Variants in NME7 observed in about 807,000 individuals in gnomAD.
NME7 encodes nucleoside diphosphate kinase 7.
Under a neutral mutation model 49.1 loss-of-function variants are expected in NME7, and 41 were observed. The observed-to-expected ratio is 0.83, with a 90% confidence interval of 0.65 to 1.08. The LOEUF (loss-of-function observed/expected upper bound fraction) is 1.08. NME7 is among the 50% of genes least tolerant of loss of function. The probability of loss-of-function intolerance (pLI) is 0.00; values close to 1 mark genes in which losing one functional copy is unlikely to be tolerated. For missense variants in NME7, 423 were observed against 463.4 expected (o/e 0.91, Z 0.80); for synonymous variants, 139 against 150.6 (o/e 0.92, Z 0.56).
chr1:169,298,614 C>A lies in NME7; in HGVS notation c.590G>T (p.Gly197Val). Residue 197 changes from glycine to valine, a missense_variant, in exon 6 of 12, where the codon GGA becomes GTA. Physicochemically the swap from Gly to Val is moderately radical, Grantham distance 109. Transcript: ENST00000367811. Reference sequence around the variant, plus strand: ...CGCTGCATTTCTTATGCCATCTGTTCCAAAGAGGGCTCTAATGCTTTCAGA... The same window carrying A: ...CGCTGCATTTCTTATGCCATCTGTTACAAAGAGGGCTCTAATGCTTTCAGA... The part of the protein sequence containing the change: ...DASESIRALF[G>V]TDGIRNAAHG... The A allele has an allele frequency of 6.2e-7, 1 of 1,613,960 alleles. No homozygotes were observed. Among genetic ancestry groups the A allele is most frequent in the South Asian group, 1.1e-5 (1 of 91,086 alleles).
At chr1:169,181,417 T>C (rs1260490082) in intron 10 of NME7, among the ~76,000 whole-genome samples, 3 of 150,280 alleles carry the variant, frequency 2.0e-5, no homozygotes, top group Admixed American at 2.0e-4. Flanking sequence ...ACACACACAT[T>C]ATCCTTCCCT....
At chr1:169,251,245 T>A (rs1249198017) in intron 7 of NME7, among the ~76,000 whole-genome samples, 1 of 152,132 alleles carries the variant, frequency 6.6e-6, no homozygotes, top group Non-Finnish European at 1.5e-5. Context: ...TTGTCTTTTT[T>A]TACTGTTGTT....
intron 9 of NME7, among the ~76,000 whole-genome samples, chr1:169,232,917 T>A (rs71557654): frequency 4.0e-3 from 220 of 55,666 alleles, no homozygotes; most frequent in Non-Finnish European, 4.9e-3. Context: ...CTTTTCTTTT[T>A]TTTTTTTTTT....
At chr1:169,237,317 A>G (rs1315054177) in intron 8 of NME7, among the ~76,000 whole-genome samples, 1 of 152,118 alleles carries the variant, frequency 6.6e-6, no homozygotes, top group Non-Finnish European at 1.5e-5. Flanking sequence ...TTTTGTTTAT[A>G]AGAACAAAAT....
At chr1:169,344,352 T>C (rs1369194201) in intron 1 of NME7, among the ~76,000 whole-genome samples, 1 of 152,206 alleles carries the variant, frequency 6.6e-6, no homozygotes, top group Non-Finnish European at 1.5e-5. Context: ...AGTTTTATCC[T>C]CTCCGGTCTA....
chr1:169,213,464 G>T (rs1187125167), intron 10 of NME7, among the ~76,000 whole-genome samples: 1 of 151,700 alleles, frequency 6.6e-6, no homozygotes, highest in East Asian at 1.9e-4. Flanking sequence ...TTTAAATTTT[G>T]CCAACCTCAC....
chr1:169,207,214 C>T (rs560615562), intron 10 of NME7, among the ~76,000 whole-genome samples: 2 of 152,070 alleles, frequency 1.3e-5, no homozygotes, highest in African/African-American at 4.8e-5. Context: ...GGGAACGATG[C>T]CAGGCTCTTT....
intron 1 of NME7, among the ~76,000 whole-genome samples, chr1:169,325,767 C>A (rs746421275): frequency 2.0e-5 from 3 of 152,030 alleles, no homozygotes; most frequent in Admixed American, 6.6e-5. Flanking sequence ...TAAACTATAA[C>A]GTAGATGACA....
intron 10 of NME7, among the ~76,000 whole-genome samples, chr1:169,214,974 G>A (rs576627744): frequency 6.6e-6 from 1 of 152,394 alleles, no homozygotes; most frequent in Non-Finnish European, 1.5e-5. Flanking sequence ...CAAAGGGCCA[G>A]TGTGACAGCC....
chr1:169,216,071 G>A (rs1368264705), intron 10 of NME7, among the ~76,000 whole-genome samples: 1 of 152,216 alleles, frequency 6.6e-6, no homozygotes, highest in Non-Finnish European at 1.5e-5. Flanking sequence ...TAAAAGAGTT[G>A]TGATATTGTG....
At chr1:169,278,412 C>A (rs1183178034) in intron 7 of NME7, among the ~76,000 whole-genome samples, 2 of 151,954 alleles carry the variant, frequency 1.3e-5, no homozygotes, top group Non-Finnish European at 2.9e-5. Flanking sequence ...CTCTAAACTT[C>A]CCTTCTCACT....
intron 7 of NME7, among the ~76,000 whole-genome samples, chr1:169,251,671 T>C (rs1648623585): frequency 1.4e-5 from 2 of 147,100 alleles, no homozygotes. Flanking sequence ...TAACTCATCA[T>C]CTAGCATTAG....
At chr1:169,273,996 G>A (rs1421508236) in intron 7 of NME7, among the ~76,000 whole-genome samples, 3 of 132,220 alleles carry the variant, frequency 2.3e-5, no homozygotes, top group African/African-American at 7.7e-5. Context: ...TGGGATTGCT[G>A]GGTCAAATGG....
At chr1:169,249,288 C>T (rs1160146049) in intron 7 of NME7, among the ~76,000 whole-genome samples, 1 of 151,966 alleles carries the variant, frequency 6.6e-6, no homozygotes, top group Non-Finnish European at 1.5e-5. Context: ...TCAGCATGGT[C>T]ATTGTTGGTG....
At chr1:169,220,323 C>G (rs1035788346) in intron 10 of NME7, among the ~76,000 whole-genome samples, 8 of 151,912 alleles carry the variant, frequency 5.3e-5, no homozygotes, top group Admixed American at 4.6e-4. Context: ...TATAAATAAA[C>G]TTTATTACAG....
At chr1:169,364,199 A>C (rs1046429160) in intron 1 of NME7, among the ~76,000 whole-genome samples, 3 of 152,196 alleles carry the variant, frequency 2.0e-5, no homozygotes, top group Non-Finnish European at 4.4e-5. Flanking sequence ...TGAACAACAT[A>C]AGCATGAATT....
At chr1:169,334,427 A>G (rs1238606870) in intron 1 of NME7, among the ~76,000 whole-genome samples, 1 of 152,186 alleles carries the variant, frequency 6.6e-6, no homozygotes, top group East Asian at 1.9e-4. Context: ...CAACCATCTC[A>G]TCTTTGACAA....
rs148337653 is a variant in NME7 at position 169,244,932 on chromosome 1, C to T, written c.755-7245G>A. 5.8e-3 allele frequency among the ~76,000 whole-genome samples: 886 copies of T among 152,192 alleles called. 5 individuals are homozygous for T. The highest frequency in any genetic ancestry group is 7.7e-3 in the Admixed American group (117 of 15,290). On this transcript the variant is annotated intron_variant, in intron 7 of 11. Transcript: ENST00000367811. The stretch of plus-strand genomic sequence containing the variant: ...TCACTTGAGGTCCTGAGTTCAAGCC[C>T]AGCCTGGCCAACATGGAGAAACCCT...
At chr1:169,363,422 C>A (rs988452037) in intron 1 of NME7, among the ~76,000 whole-genome samples, 1 of 152,138 alleles carries the variant, frequency 6.6e-6, no homozygotes, top group African/African-American at 2.4e-5. Flanking sequence ...GTTACCCTTA[C>A]AACATGTAGT....
Sources: allele counts gnomAD v4.1 joint callset (sites outside exome capture counted in the v4.1 genomes callset), GRCh38; gene constraint gnomAD v4.1.1; transcripts MANE v1.5; gene names NCBI Gene and HGNC (gene_info 2026-07-23, HGNC 2026-07-21).